NBEA: variants seen among roughly 807,000 people sequenced by gnomAD.
The protein encoded by NBEA is lysosomal-trafficking regulator 2.
Under a neutral mutation model 343.4 loss-of-function variants are expected in NBEA, and 44 were observed. The ratio of observed to expected loss-of-function variants is 0.13; its 90% CI spans 0.10 to 0.16. The LOEUF (loss-of-function observed/expected upper bound fraction) is 0.16. NBEA is among the 10% of genes least tolerant of loss of function. The pLI is 1.00. For missense variants in NBEA, 2,555 were observed against 3,631.3 expected, an observed-to-expected ratio of 0.70 and a Z score of 7.62; for synonymous variants, 1,175 against 1,238.7, an observed-to-expected ratio of 0.95 and a Z score of 1.08.
intron 48 of NBEA, among the ~76,000 whole-genome samples, chr13:35,623,794 T>C (rs1380003436): frequency 6.6e-6 from 1 of 152,066 alleles, no homozygotes; most frequent in Non-Finnish European, 1.5e-5. Context: ...TCCCATCCCC[T>C]CCTCAAAATT....
intron 41 of NBEA, among the ~76,000 whole-genome samples, chr13:35,522,700 G>A (rs2077778154): frequency 6.6e-6 from 1 of 151,984 alleles, no homozygotes; most frequent in South Asian, 2.1e-4. Flanking sequence ...TCCACCTCCT[G>A]TCAGATCAGC....
intron 18 of NBEA, among the ~76,000 whole-genome samples, chr13:35,147,863 A>G (rs1463938178): frequency 2.0e-5 from 3 of 152,208 alleles, no homozygotes; most frequent in Non-Finnish European, 4.4e-5. Context: ...AGGCCTGTAC[A>G]TACAATATTT....
chr13:35,070,592 T>G, intron 9 of NBEA, 127 bp from the exon 10 acceptor site: 1 of 870,600 alleles, frequency 1.1e-6, no homozygotes, highest in Non-Finnish European at 1.6e-6. Flanking sequence ...TGTATAAAAA[T>G]TATAATTGAA....
intron 1 of NBEA, among the ~76,000 whole-genome samples, chr13:35,034,047 T>G (rs1413468281): frequency 6.6e-6 from 1 of 151,894 alleles, no homozygotes; most frequent in African/African-American, 2.4e-5. Flanking sequence ...CTATGTTGAA[T>G]AACAGTGTTA....
chr13:35,563,529 A>C lies in NBEA; in HGVS notation c.6923-3376A>C, dbSNP rs1484124444. On this transcript the variant is annotated intron_variant, in intron 44 of 58. Coordinates refer to ENST00000379939, the MANE Select transcript of NBEA (RefSeq NM_001385012.1). ...ACATTAAATACATTGTGCATTTTTA[A>C]TTCAAATCAAATACATATATGACTG... Among the ~76,000 whole-genome samples, 3 of 151,952 alleles carry C rather than the reference A, an allele frequency of 2.0e-5. No individual in the cohort carries two copies. The East Asian group carries it at 5.8e-4, about 29-fold the overall frequency.
chr13:34,960,215 A>G (rs1159820991), intron 1 of NBEA, among the ~76,000 whole-genome samples: 3 of 152,142 alleles, frequency 2.0e-5, no homozygotes, highest in African/African-American at 7.2e-5. Context: ...TTTTTAACAC[A>G]AAAGTTTAAA....
chr13:35,113,476 T>A lies in NBEA; in HGVS notation c.2002+2498T>A, dbSNP rs534240758. Among the ~76,000 whole-genome samples, 35 of 152,328 alleles carry A rather than the reference T, an allele frequency of 2.3e-4. 1 individual carries two copies. The South Asian group carries it at 7.0e-3, about 31-fold the overall frequency. On this transcript the variant is annotated intron_variant, in intron 13 of 58. Transcript: ENST00000379939. ...TCACCTACTTGTTTTAGTTTGTTGA[T>A]GATTCTTACTAGATTATCTTTATTG... is the stretch of plus-strand genomic sequence containing the variant.
intron 35 of NBEA, among the ~76,000 whole-genome samples, chr13:35,298,007 A>C (rs1172635508): frequency 6.6e-6 from 1 of 151,580 alleles, no homozygotes; most frequent in African/African-American, 2.4e-5. Context: ...TACTCCCCCA[A>C]AACTTAACTA....
rs148233251 is a variant in NBEA at position 35,009,984 on chromosome 13, G to A, written c.295-30949G>A. On this transcript the variant is annotated intron_variant, in intron 1 of 58. Coordinates refer to ENST00000379939, the MANE Select transcript of NBEA (RefSeq NM_001385012.1). ...AAGTGCCATTGAGTGAAACTAGAAA[G>A]CTCGCTAGAGGATCTAATTTGCAGG... Among the ~76,000 whole-genome samples, 62 of 152,280 alleles carry A rather than the reference G, an allele frequency of 4.1e-4. 1 individual carries two copies. The East Asian group carries it at 0.01, about 25-fold the overall frequency.
In NBEA at chr13:35,671,218, A is replaced by C; in HGVS notation, c.*227A>C. On this transcript the variant is annotated 3_prime_UTR_variant, in exon 59 of 59. Transcript: ENST00000379939. ...AAGCTTATATCATGTAAATTATATG[A>C]ATTAGGAGATGTTTTGGTAATTATT... 1 of 429,578 alleles carries C rather than the reference A, an allele frequency of 2.3e-6. No homozygotes were observed. The highest frequency in any genetic ancestry group is 4.2e-6 in the Non-Finnish European group (1 of 237,100). The allele number at this position is 429,578 out of a possible 1,614,324, so 26.6% of individuals were successfully genotyped here.
At position 35,159,921 on chromosome 13, in the gene NBEA, A is replaced by G; in HGVS notation, c.3750A>G (p.Lys1250=). The change falls in exon 22 of 59, where the codon AAA becomes AAG. Residue 1250 remains lysine, a synonymous_variant. Coordinates refer to ENST00000379939, the MANE Select transcript of NBEA (RefSeq NM_001385012.1). ...TGGAAACTGAGTCTTCTAGTAGCAA[A>G]ATTGTACCAAATATTGATGCAGGAA... ...TTLETESSSS[K]IVPNIDAGSI... The G allele has an allele frequency of 6.3e-7, 1 of 1,594,558 alleles. No individual in the cohort carries two copies. Among genetic ancestry groups the G allele is most frequent in the Non-Finnish European group, 8.5e-7 (1 of 1,169,706 alleles).
At chr13:35,359,659 A>G (rs2040695376) in intron 38 of NBEA, among the ~76,000 whole-genome samples, 1 of 152,122 alleles carries the variant, frequency 6.6e-6, no homozygotes, top group African/African-American at 2.4e-5. Flanking sequence ...ATCCTTTAAC[A>G]TGCATATTTC....
intron 22 of NBEA, among the ~76,000 whole-genome samples, chr13:35,161,385 A>G (rs970181791): frequency 2.6e-5 from 4 of 152,194 alleles, no homozygotes; most frequent in African/African-American, 9.6e-5. Context: ...AGTTGATGAC[A>G]TATATCCAGT....
intron 1 of NBEA, among the ~76,000 whole-genome samples, chr13:34,971,237 T>G (rs1448138764): frequency 6.6e-6 from 1 of 152,138 alleles, no homozygotes; most frequent in Non-Finnish European, 1.5e-5. Flanking sequence ...TATCCTAAGA[T>G]TTCCCTGTAG....
At chr13:35,559,575 G>GA (rs1005941326) in intron 44 of NBEA, among the ~76,000 whole-genome samples, 6 of 151,648 alleles carry the variant, frequency 4.0e-5, no homozygotes, top group African/African-American at 7.3e-5. Context: ...TCAAGATTCA[G>GA]AAAAAAAATA....
At chr13:35,521,015 A>T (rs2077687551) in intron 41 of NBEA, among the ~76,000 whole-genome samples, 1 of 152,046 alleles carries the variant, frequency 6.6e-6, no homozygotes, top group South Asian at 2.1e-4. Context: ...TGTTCTTCCC[A>T]TGGGAAGGAA....
intron 37 of NBEA, among the ~76,000 whole-genome samples, chr13:35,350,731 T>TGC (rs1330399604): frequency 1.8e-5 from 1 of 54,652 alleles, no homozygotes; most frequent in African/African-American, 2.4e-4. Context: ...GCTATTGATG[T>TGC]GTGTGTGTGT....
chr13:35,012,238 C>T (rs1168990982), intron 1 of NBEA, among the ~76,000 whole-genome samples: 1 of 152,118 alleles, frequency 6.6e-6, no homozygotes, highest in Non-Finnish European at 1.5e-5. Flanking sequence ...CTTGCTGTGT[C>T]ATCCCATGGC....
At chr13:35,189,960 G>A (rs2072051234) in intron 30 of NBEA, among the ~76,000 whole-genome samples, 1 of 152,016 alleles carries the variant, frequency 6.6e-6, no homozygotes, top group African/African-American at 2.4e-5. Context: ...CCTCAGCTCT[G>A]TGGTAGCTTT....
Sources: allele counts gnomAD v4.1 joint callset (sites outside exome capture counted in the v4.1 genomes callset), GRCh38; gene constraint gnomAD v4.1.1; transcripts MANE v1.5; gene names NCBI Gene and HGNC (gene_info 2026-07-23, HGNC 2026-07-21).